KCND2: variants seen among roughly 807,000 people sequenced by gnomAD.
KCND2 encodes potassium voltage-gated channel subfamily D member 2.
A neutral mutation model predicts 54.4 loss-of-function variants in KCND2; 16 were observed. The ratio of observed to expected loss-of-function variants is 0.29; its 90% CI spans 0.20 to 0.45. KCND2 has a LOEUF of 0.45. Among genes scored for constraint, KCND2 ranks in the 20% least tolerant of loss-of-function variants. The pLI is 1.00. For missense variants in KCND2, 486 were observed against 824.2 expected, an observed-to-expected ratio of 0.59 and a Z score of 5.02; for synonymous variants, 317 against 310.7, an observed-to-expected ratio of 1.02 and a Z score of -0.21.
At chr7:120,443,374 AAT>A (rs1325956787) in intron 1 of KCND2, among the ~76,000 whole-genome samples, 4 of 149,534 alleles carry the variant, frequency 2.7e-5, no homozygotes, top group African/African-American at 9.8e-5. Context: ...TAATAATAAT[AAT>A]AATAATAATA....
At chr7:120,512,239 A>G (rs1358229989) in intron 1 of KCND2, among the ~76,000 whole-genome samples, 1 of 152,136 alleles carries the variant, frequency 6.6e-6, no homozygotes, top group African/African-American at 2.4e-5. Context: ...TAATTATATT[A>G]ATGAAAAATA....
intron 1 of KCND2, among the ~76,000 whole-genome samples, chr7:120,514,949 G>A (rs562781488): frequency 1.1e-4 from 16 of 152,112 alleles, no homozygotes; most frequent in East Asian, 1.9e-4. Flanking sequence ...GTGTAGTACC[G>A]TAAATGAGTT....
At chr7:120,447,803 A>G (rs1802038410) in intron 1 of KCND2, among the ~76,000 whole-genome samples, 1 of 152,130 alleles carries the variant, frequency 6.6e-6, no homozygotes, top group Non-Finnish European at 1.5e-5. Flanking sequence ...CCAAATGGAT[A>G]TGATTATATT....
intron 1 of KCND2, among the ~76,000 whole-genome samples, chr7:120,438,237 A>G (rs1563046121): frequency 6.6e-6 from 1 of 152,176 alleles, no homozygotes; most frequent in Admixed American, 6.5e-5. Context: ...ATCTCACAAC[A>G]TAGATAGTAT....
chr7:120,382,575 T>C (rs760756772), intron 1 of KCND2, among the ~76,000 whole-genome samples: 1 of 151,876 alleles, frequency 6.6e-6, no homozygotes, highest in Non-Finnish European at 1.5e-5. Context: ...CTCTTGTTAA[T>C]TTCTTACCTT....
At chr7:120,638,982 T>A (rs972029410) in intron 1 of KCND2, among the ~76,000 whole-genome samples, 1 of 152,190 alleles carries the variant, frequency 6.6e-6, no homozygotes, top group African/African-American at 2.4e-5. Context: ...CAAATTCCTC[T>A]TCAGTGATAT....
chr7:120,625,526 T>C (rs1392729616), intron 1 of KCND2, among the ~76,000 whole-genome samples: 1 of 152,202 alleles, frequency 6.6e-6, no homozygotes, highest in Admixed American at 6.5e-5. Context: ...TTTTAAAATC[T>C]GAGATAGAGT....
intron 1 of KCND2, among the ~76,000 whole-genome samples, chr7:120,731,863 A>G (rs908834817): frequency 3.3e-5 from 5 of 152,210 alleles, no homozygotes; most frequent in Non-Finnish European, 7.3e-5. Flanking sequence ...CAATTTTGGT[A>G]TGAACAACTG....
chr7:120,278,997 A>G (rs912376983), intron 1 of KCND2, among the ~76,000 whole-genome samples: 2 of 151,698 alleles, frequency 1.3e-5, no homozygotes, highest in Non-Finnish European at 2.9e-5. Flanking sequence ...CCATAATGTA[A>G]ACTCTAGTTA....
intron 1 of KCND2, among the ~76,000 whole-genome samples, chr7:120,430,850 T>C (rs904251877): frequency 2.6e-5 from 4 of 152,230 alleles, no homozygotes; most frequent in Non-Finnish European, 5.9e-5. Context: ...CACTATCCTT[T>C]TTCTTCAGAG....
intron 1 of KCND2, among the ~76,000 whole-genome samples, chr7:120,325,023 G>A (rs1799953916): frequency 7.4e-6 from 1 of 135,630 alleles, no homozygotes; most frequent in African/African-American, 2.7e-5. Flanking sequence ...CACATCCCTT[G>A]TAAGTTGGAT....
chr7:120,514,780 G>A (rs764385794), intron 1 of KCND2, among the ~76,000 whole-genome samples: 1 of 151,888 alleles, frequency 6.6e-6, no homozygotes, highest in African/African-American at 2.4e-5. Context: ...CTCATAAGAA[G>A]CATGCAACCT....
At chr7:120,566,508 A>G (rs1792299569) in intron 1 of KCND2, among the ~76,000 whole-genome samples, 1 of 151,934 alleles carries the variant, frequency 6.6e-6, no homozygotes, top group Non-Finnish European at 1.5e-5. Context: ...ACACCTAGCT[A>G]ATGATTTTAT....
Position 120,719,657 on chromosome 7 carries a change from A to G in KCND2, c.1116-13246A>G, listed in dbSNP as rs563020081. Reference sequence around the variant, plus strand: ...GCCAGGCTCCAACATGTTTAGCTATAGACTTTCATTAGCATGATTAAAAAA... The same window carrying G: ...GCCAGGCTCCAACATGTTTAGCTATGGACTTTCATTAGCATGATTAAAAAA... On this transcript the variant is annotated intron_variant, in intron 1 of 5. Transcript: ENST00000331113. Among the ~76,000 whole-genome samples the G allele has an allele frequency of 8.0e-4, 122 of 152,304 alleles. 1 individual carries two copies. Among genetic ancestry groups the G allele is most frequent in the Middle Eastern group, 3.4e-3 (1 of 294 alleles).
At chr7:120,285,648 T>C (rs1799329209) in intron 1 of KCND2, among the ~76,000 whole-genome samples, 1 of 151,962 alleles carries the variant, frequency 6.6e-6, no homozygotes, top group African/African-American at 2.4e-5. Flanking sequence ...TTTTAATGTT[T>C]GCAATAAAGG....
In KCND2 at chr7:120,594,153, T is replaced by A. The variant is rs909339737; in HGVS notation, c.1116-138750T>A. On this transcript the variant is annotated intron_variant, in intron 1 of 5. Coordinates refer to ENST00000331113, the MANE Select transcript of KCND2 (RefSeq NM_012281.3). ...CTGATAAACTCTTTTCAAAATAGAC[T>A]TAGAGATCTCATCTCCAACTGACCA... Among the ~76,000 whole-genome samples, 7 of 152,308 alleles carry A rather than the reference T, an allele frequency of 4.6e-5. 1 individual carries two copies. In the South Asian group the frequency reaches 1.2e-3, roughly 27 times the overall value.
At chr7:120,603,627 C>CTT (rs1289193506) in intron 1 of KCND2, among the ~76,000 whole-genome samples, 1 of 152,190 alleles carries the variant, frequency 6.6e-6, no homozygotes, top group Non-Finnish European at 1.5e-5. Context: ...TAGCCCTACA[C>CTT]TTATTAAGCA....
intron 1 of KCND2, among the ~76,000 whole-genome samples, chr7:120,428,430 A>G (rs1425752528): frequency 6.6e-6 from 1 of 152,240 alleles, no homozygotes; most frequent in Non-Finnish European, 1.5e-5. Context: ...GTAGGAAATA[A>G]GCGTTAGGAG....
chr7:120,612,420 T>C (rs1026079751), intron 1 of KCND2, among the ~76,000 whole-genome samples: 1 of 152,204 alleles, frequency 6.6e-6, no homozygotes, highest in African/African-American at 2.4e-5. Context: ...GTGAAGGAAA[T>C]AGCACATAAG....
Sources: allele counts gnomAD v4.1 joint callset (sites outside exome capture counted in the v4.1 genomes callset), GRCh38; gene constraint gnomAD v4.1.1; transcripts MANE v1.5; gene names NCBI Gene and HGNC (gene_info 2026-07-23, HGNC 2026-07-21).